The following LAMA4 variants were observed in gnomAD, a reference collection of about 807,000 sequenced individuals.
LAMA4 encodes the protein laminin subunit alpha-4.
A neutral mutation model predicts 207.1 loss-of-function variants in LAMA4; 127 were observed. The observed-to-expected ratio is 0.61, with a 90% CI of 0.53 to 0.71. The LOEUF is 0.71. Ranked by LOEUF, LAMA4 falls within the 30% of genes least tolerant of loss-of-function variation. The probability of loss-of-function intolerance (pLI) is 0.00; values close to 1 mark genes in which losing one functional copy is unlikely to be tolerated. For missense variants in LAMA4, 2,093 were observed against 2,246.5 expected, an observed-to-expected ratio of 0.93 and a Z score of 1.38; for synonymous variants, 761 against 816.0, an observed-to-expected ratio of 0.93 and a Z score of 1.15.
At chr6:112,135,110 T>G (rs1478503400) in intron 25 of LAMA4, among the ~76,000 whole-genome samples, 2 of 151,188 alleles carry the variant, frequency 1.3e-5, no homozygotes, top group Non-Finnish European at 3.0e-5. Context: ...CCCTTTGTGG[T>G]GTGTGTGTGT....
At chr6:112,215,804 T>C (rs565557463) in intron 3 of LAMA4, among the ~76,000 whole-genome samples, 1 of 152,326 alleles carries the variant, frequency 6.6e-6, no homozygotes, top group South Asian at 2.1e-4. Context: ...ATTGGAGAAT[T>C]CATTTCAGTT....
At position 112,187,689 on chromosome 6, in the gene LAMA4, G is replaced by T. The variant is rs1319203034; in HGVS notation, c.815-88C>A. On this transcript the variant is annotated intron_variant, in intron 7 of 38. Transcript: ENST00000230538. The stretch of plus-strand genomic sequence containing the variant: ...GCAGAACATAAATCTCTATTTCCTT[G>T]GTTAATACCATTTTTATTTTTGTCT... The T allele has an allele frequency of 4.1e-5, 52 of 1,266,846 alleles. 1 individual carries two copies. The Middle Eastern group carries it at 6.2e-4, about 15-fold the overall frequency. 78.5% of individuals were successfully genotyped at this position (1,266,846 alleles called of 1,614,324 possible).
chr6:112,249,394 G>A (rs1329649358), intron 2 of LAMA4, among the ~76,000 whole-genome samples: 4 of 118,534 alleles, frequency 3.4e-5, no homozygotes, highest in African/African-American at 1.3e-4. Context: ...AGTGAGCTGA[G>A]ATCAAGCCAC....
In LAMA4 at chr6:112,189,167, C is replaced by G; in HGVS notation, c.757G>C (p.Gly253Arg). 1 of 1,614,074 alleles carries G rather than the reference C, an allele frequency of 6.2e-7. No homozygotes were observed. The highest frequency in any genetic ancestry group is 8.5e-7 in the Non-Finnish European group (1 of 1,179,952). The change falls in exon 7 of 39, where the codon GGA becomes CGA. Residue 253 changes from glycine (G) to arginine (R), a missense_variant. Transcript: ENST00000230538. ...TCAAAACCTTCTTCCAAGCATTCTC[C>G]GGTTACACTGTCACATGGGCCTCCC... ...CGGGPCDSVT[G>R]ECLEEGFEPP...
In LAMA4 at chr6:112,214,216, A is replaced by C. The variant is rs1284404434; in HGVS notation, c.297+2152T>G. The C allele has an allele frequency of 1.8e-5, 7 of 388,528 alleles. No homozygotes were observed. In the East Asian group the frequency reaches 2.3e-4, roughly 13 times the overall value. 24.1% of individuals were successfully genotyped at this position (388,528 alleles called of 1,614,324 possible). On this transcript the variant is annotated intron_variant, in intron 3 of 38. Transcript: ENST00000230538. The stretch of plus-strand genomic sequence containing the variant: ...ATTTTCTGCCCCTTCACTTACATTT[A>C]ATTAAATATAAATATATCTTTTTTC...
chr6:112,178,279 A>C (rs782400875), intron 9 of LAMA4, 47 bp from the exon 10 acceptor site: 1 of 1,376,222 alleles, frequency 7.3e-7, no homozygotes, highest in Non-Finnish European at 1.0e-6. Flanking sequence ...TGAGAAAAGA[A>C]TGTTGTATAA....
At chr6:112,253,807 A>G (rs782085303) in intron 2 of LAMA4, 149 bp downstream of exon 2, 10 of 1,614,108 alleles carry the variant, frequency 6.2e-6, no homozygotes, top group Non-Finnish European at 8.5e-6. Context: ...AAAACTCTTT[A>G]TTTCAAGTTT....
At chr6:112,149,522 C>T (rs1349941598) in intron 17 of LAMA4, among the ~76,000 whole-genome samples, 7 of 152,132 alleles carry the variant, frequency 4.6e-5, no homozygotes, top group Admixed American at 4.6e-4. Flanking sequence ...AAGTGTCTGG[C>T]ATTTCCCCTT....
At chr6:112,114,874 C>T in intron 36 of LAMA4, 118 bp from the exon 37 acceptor site, 1 of 786,908 alleles carries the variant, frequency 1.3e-6, no homozygotes. Context: ...ACATGATTAG[C>T]TTTGCAATTT....
intron 3 of LAMA4, among the ~76,000 whole-genome samples, chr6:112,212,370 C>T (rs1024782949): frequency 2.6e-5 from 4 of 151,912 alleles, no homozygotes; most frequent in African/African-American, 4.8e-5. Context: ...ATTACAGGCG[C>T]CCGCCACAAT....
At chr6:112,224,461 G>T (rs559303397) in intron 2 of LAMA4, among the ~76,000 whole-genome samples, 1 of 152,104 alleles carries the variant, frequency 6.6e-6, no homozygotes, top group Admixed American at 6.5e-5. Context: ...TCCATCCATC[G>T]TCTGGCTCTG....
intron 2 of LAMA4, among the ~76,000 whole-genome samples, chr6:112,239,178 G>C (rs966674501): frequency 2.0e-5 from 3 of 152,004 alleles, no homozygotes; most frequent in African/African-American, 7.2e-5. Flanking sequence ...AAAATTAGCT[G>C]GGTGTGGTGG....
intron 13 of LAMA4, among the ~76,000 whole-genome samples, chr6:112,162,642 T>C (rs115263783): frequency 6.6e-6 from 1 of 152,148 alleles, no homozygotes; most frequent in South Asian, 2.1e-4. Context: ...GGAGTGGGTT[T>C]TATTTAAGAC....
At chr6:112,235,326 T>G (rs150003533) in intron 2 of LAMA4, among the ~76,000 whole-genome samples, 2 of 152,176 alleles carry the variant, frequency 1.3e-5, no homozygotes, top group Non-Finnish European at 2.9e-5. Flanking sequence ...TTATATATAT[T>G]TTTTTGCTGT....
chr6:112,231,237 A>T (rs1785543131), intron 2 of LAMA4, among the ~76,000 whole-genome samples: 1 of 152,156 alleles, frequency 6.6e-6, no homozygotes. Flanking sequence ...AAAAGGTCTT[A>T]ATACCACTCC....
In LAMA4 at chr6:112,119,174, C is replaced by A; in HGVS notation, c.4803G>T (p.Lys1601Asn). ...PIYLGGVAPG[K>N]AVKNVQINSI... is the part of the protein sequence containing the mutation. ...GGCTTACCTGAACATTTTTCACAGC[C>A]TTTCCAGGAGCCACACCTCCCAAAT... is the stretch of plus-strand genomic sequence containing the variant. Residue 1601 changes from lysine to asparagine, a missense_variant, in exon 34 of 39, where the codon AAG becomes AAT. Transcript: ENST00000230538. 6.2e-7 allele frequency: 1 copy of A among 1,613,944 alleles called. No homozygotes were observed. The highest frequency in any genetic ancestry group is 8.5e-7 in the Non-Finnish European group (1 of 1,179,906).
chr6:112,246,917 C>G (rs62414021), intron 2 of LAMA4, among the ~76,000 whole-genome samples: 14,986 of 152,246 alleles, frequency 0.098, 954 homozygotes, highest in Non-Finnish European at 0.14. Context: ...GTTTAAAGAA[C>G]CATAAAAGAC....
At chr6:112,113,342 AAAAGCTGGGTT>A (rs1777816241) in intron 38 of LAMA4, among the ~76,000 whole-genome samples, 1 of 152,230 alleles carries the variant, frequency 6.6e-6, no homozygotes, top group African/African-American at 2.4e-5. Context: ...TTCCAGCTGC[AAAAGCTGGGTT>A]ATTTCCCTTT....
rs587743920 is a variant in LAMA4, at chr6:112,119,114, G to T, written c.4821+42C>A. ...AGGGCCTCAATTAGATGATCTTCTGGCTCTAATGGTCAATGGCTCTACCTG... is the reference window on the plus strand; with the variant it reads ...AGGGCCTCAATTAGATGATCTTCTGTCTCTAATGGTCAATGGCTCTACCTG... On this transcript the variant is annotated intron_variant, in intron 34 of 38. Coordinates refer to ENST00000230538, the MANE Select transcript of LAMA4 (RefSeq NM_001105206.3). 1.2e-5 allele frequency: 19 copies of T among 1,599,882 alleles called. No individual in the cohort carries two copies. In the South Asian group the frequency reaches 2.1e-4, roughly 18 times the overall value.
Sources: allele counts gnomAD v4.1 joint callset (sites outside exome capture counted in the v4.1 genomes callset), GRCh38; gene constraint gnomAD v4.1.1; transcripts MANE v1.5; gene names NCBI Gene and HGNC (gene_info 2026-07-23, HGNC 2026-07-21).